LAMA3: variants seen among roughly 807,000 people sequenced by gnomAD.
LAMA3 encodes the protein laminin subunit alpha 3.
A neutral mutation model predicts 402.0 loss-of-function variants in LAMA3; 281 were observed. The observed-to-expected ratio is 0.70, with a 90% CI of 0.63 to 0.77. The LOEUF is 0.77. LAMA3 is among the 30% of genes least tolerant of loss of function. LAMA3 has a pLI of 0.00. For missense variants in LAMA3, 3,840 were observed against 4,215.5 expected (o/e 0.91, Z 2.47); for synonymous variants, 1,431 against 1,558.4 (o/e 0.92, Z 1.93).
At chr18:23,791,001 G>A (rs1277807770) in intron 12 of LAMA3, among the ~76,000 whole-genome samples, 1 of 151,614 alleles carries the variant, frequency 6.6e-6, no homozygotes, top group African/African-American at 2.4e-5. Context: ...CCATTCTCCT[G>A]TCTCAGCCTC....
At chr18:23,752,987 G>A (rs1401298615) in intron 5 of LAMA3, among the ~76,000 whole-genome samples, 2 of 152,236 alleles carry the variant, frequency 1.3e-5, no homozygotes, top group African/African-American at 4.8e-5. Flanking sequence ...GAGAAGGAAG[G>A]TTGCTGGCAG....
chr18:23,738,118 C>T (rs1280176053), intron 2 of LAMA3, among the ~76,000 whole-genome samples: 4 of 151,884 alleles, frequency 2.6e-5, no homozygotes, highest in Non-Finnish European at 4.4e-5. Flanking sequence ...GGACTGGGAC[C>T]TGAACTCTGA....
chr18:23,819,768 A>G lies in LAMA3; in HGVS notation c.2148-73A>G, dbSNP rs2063247266. On this transcript the variant is annotated intron_variant, in intron 18 of 74. Coordinates refer to ENST00000313654, the MANE Select transcript of LAMA3 (RefSeq NM_198129.4). ...GTGGTGGAGTTCTTTCATAGTAACTATTGTGATTAAAAGATGTTCAGATGA... is the reference window on the plus strand; with the variant it reads ...GTGGTGGAGTTCTTTCATAGTAACTGTTGTGATTAAAAGATGTTCAGATGA... 18 of 1,293,786 alleles carry G rather than the reference A, an allele frequency of 1.4e-5. No homozygotes were observed. In the South Asian group the frequency reaches 1.8e-4, roughly 13 times the overall value. The allele number at this position is 1,293,786 out of a possible 1,614,324, so 80.1% of individuals were successfully genotyped here.
chr18:23,763,439 C>G lies in LAMA3; in HGVS notation c.1098C>G (p.Tyr366Ter), dbSNP rs773209748. ...CNCHGHASNC[Y>*]YDPDVERQQA... ...GCCACGGCCATGCCAGCAACTGTTACTATGATCCAGATGTTGAGCGGCAGC... is the reference window on the plus strand; with the variant it reads ...GCCACGGCCATGCCAGCAACTGTTAGTATGATCCAGATGTTGAGCGGCAGC... The change falls in exon 8 of 75, where the codon TAC becomes TAG. Residue 366 changes from tyrosine to a stop codon, truncating the protein, a stop_gained. Coordinates refer to ENST00000313654, the MANE Select transcript of LAMA3 (RefSeq NM_198129.4). LOFTEE classifies it high-confidence loss of function. 6.2e-7 allele frequency: 1 copy of G among 1,613,940 alleles called. No homozygotes were observed. The highest frequency in any genetic ancestry group is 1.7e-5 in the Admixed American group (1 of 60,002).
At position 23,906,781 on chromosome 18, in the gene LAMA3, C is replaced by T. The variant is rs539028222; in HGVS notation, c.6719-769C>T. Among the ~76,000 whole-genome samples the T allele has an allele frequency of 6.0e-4, 92 of 152,288 alleles. 1 individual carries two copies. Among genetic ancestry groups the T allele is most frequent in the Non-Finnish European group, 1.0e-3 (71 of 68,016 alleles). On this transcript the variant is annotated intron_variant, in intron 52 of 74. Coordinates refer to ENST00000313654, the MANE Select transcript of LAMA3 (RefSeq NM_198129.4). ...CTGGTATGACATCTATTTCTCTCTA[C>T]AAAATTTGAGCTTCGAGGTAGGCTC...
rs2064524709 is a variant in LAMA3 at position 23,871,637 on chromosome 18, T to C, written c.4974T>C (p.Pro1658=). ...ALAVEICACP[P]AYAGDSCQGC... is the part of the protein sequence containing the mutation. ...CTGTGGAAATCTGTGCCTGCCCCCC[T>C]GCCTACGCTGGTGACTCTTGTCAGG... is the stretch of plus-strand genomic sequence containing the variant. The change falls in exon 38 of 75, where the codon CCT becomes CCC. Residue 1658 remains proline (P), a synonymous_variant. Transcript: ENST00000313654. 1 of 1,610,474 alleles carries C rather than the reference T, an allele frequency of 6.2e-7. No homozygotes were observed. The highest frequency in any genetic ancestry group is 2.2e-5 in the East Asian group (1 of 44,830).
At chr18:23,774,812 T>TAAAA (rs145809364) in intron 9 of LAMA3, among the ~76,000 whole-genome samples, 13 of 152,038 alleles carry the variant, frequency 8.6e-5, no homozygotes, top group African/African-American at 2.7e-4. Context: ...TCTTAGTTGT[T>TAAAA]AAAAAAAATG....
chr18:23,787,970 A>AATAC (rs909240743), intron 12 of LAMA3, among the ~76,000 whole-genome samples: 15 of 152,106 alleles, frequency 9.9e-5, no homozygotes, highest in African/African-American at 3.1e-4. Context: ...TGTATATACA[A>AATAC]ATACATACAT....
intron 41 of LAMA3, 148 bp downstream of exon 41, chr18:23,885,001 G>T (rs1599000605): frequency 3.4e-6 from 2 of 583,208 alleles, no homozygotes; most frequent in East Asian, 2.8e-5. Flanking sequence ...ATACAAGACT[G>T]CTCACCTAAT....
intron 12 of LAMA3, among the ~76,000 whole-genome samples, chr18:23,800,189 A>G (rs975985383): frequency 3.3e-5 from 5 of 152,256 alleles, no homozygotes. Context: ...AAAGAGTATA[A>G]CAAGACACAA....
chr18:23,807,986 A>G (rs1289288454), intron 12 of LAMA3, among the ~76,000 whole-genome samples: 1 of 152,180 alleles, frequency 6.6e-6, no homozygotes, highest in African/African-American at 2.4e-5. Flanking sequence ...TGGCAGTAGG[A>G]GATCTGAGTG....
chr18:23,767,582 T>TC (rs1462242075), intron 8 of LAMA3, among the ~76,000 whole-genome samples: 62 of 147,036 alleles, frequency 4.2e-4, no homozygotes, highest in Middle Eastern at 3.5e-3. Flanking sequence ...TCTTTTCTTT[T>TC]TTTTTTTTTT....
Position 23,876,347 on chromosome 18 carries a change from T to A in LAMA3, c.5052T>A (p.Cys1684Ter). 2.5e-6 allele frequency: 4 copies of A among 1,614,230 alleles called. No individual in the cohort carries two copies. Among genetic ancestry groups the A allele is most frequent in the Non-Finnish European group, 3.4e-6 (4 of 1,180,016 alleles). Reference sequence around the variant, plus strand: ...ATAAAGGCTTGTATACCGGACGGTGTGTTCCCTGCAATTGCAACGGACATT... The same window carrying A: ...ATAAAGGCTTGTATACCGGACGGTGAGTTCCCTGCAATTGCAACGGACATT... ...RDHKGLYTGR[C>*]VPCNCNGHSN... The change falls in exon 39 of 75, where the codon TGT becomes TGA. Residue 1684 changes from cysteine to a stop codon, truncating the protein, a stop_gained. Coordinates refer to ENST00000313654, the MANE Select transcript of LAMA3 (RefSeq NM_198129.4). LOFTEE classifies it high-confidence loss of function.
intron 62 of LAMA3, among the ~76,000 whole-genome samples, chr18:23,926,021 G>A (rs1036511296): frequency 9.9e-5 from 15 of 152,210 alleles, no homozygotes; most frequent in Admixed American, 8.5e-4. Flanking sequence ...TACATCTATA[G>A]TATGGGCATA....
At chr18:23,951,288 G>A (rs1234378595) in intron 72 of LAMA3, among the ~76,000 whole-genome samples, 1 of 152,230 alleles carries the variant, frequency 6.6e-6, no homozygotes, top group Non-Finnish European at 1.5e-5. Context: ...GCAGCAGGCT[G>A]TAGGCCTCCA....
intron 38 of LAMA3, among the ~76,000 whole-genome samples, chr18:23,873,993 A>G (rs2064620234): frequency 6.6e-6 from 1 of 152,172 alleles, no homozygotes; most frequent in Non-Finnish European, 1.5e-5. Flanking sequence ...GCTTTATAAG[A>G]GGTGAAAAAA....
rs11348422 is a variant in LAMA3 at position 23,791,734 on chromosome 18, TAAAAAAAAAAAAA to T, written c.1603+7587_1603+7599del. 6.7e-5 allele frequency among the ~76,000 whole-genome samples: 6 copies of T among 89,692 alleles called. No individual in the cohort carries two copies. The East Asian group carries it at 1.3e-3, about 20-fold the overall frequency. 58.8% of individuals were successfully genotyped at this position (89,692 alleles called of 152,430 possible). A position where few individuals can be genotyped will look rare whatever the true frequency, so the allele number is the denominator to read the frequency against. The stretch of plus-strand genomic sequence containing the variant: ...GAACATCACAGACTGAGAATTTGTC[TAAAAAAAAAAAAA>T]AAAAAAAAACCACAAAACCCCCCAA... On this transcript the variant is annotated intron_variant, in intron 12 of 74. Transcript: ENST00000313654.
chr18:23,904,236 A>G, intron 50 of LAMA3, 149 bp downstream of exon 50: 1 of 892,088 alleles, frequency 1.1e-6, no homozygotes, highest in Non-Finnish European at 1.8e-6. Flanking sequence ...CCCCAGGCCC[A>G]AGTCAGAAGC....
At position 23,765,511 on chromosome 18, in the gene LAMA3, T is replaced by A. The variant is rs575254617; in HGVS notation, c.1182+1988T>A. Among the ~76,000 whole-genome samples the A allele has an allele frequency of 5.9e-5, 9 of 152,312 alleles. 1 individual carries two copies. In the South Asian group the frequency reaches 1.9e-3, roughly 32 times the overall value. Reference sequence around the variant, plus strand: ...ATTTTTTAGAGGAATGCTAATGGATTTGGAATCCTTACAACACAATATTCA... The same window carrying A: ...ATTTTTTAGAGGAATGCTAATGGATATGGAATCCTTACAACACAATATTCA... On this transcript the variant is annotated intron_variant, in intron 8 of 74. Coordinates refer to ENST00000313654, the MANE Select transcript of LAMA3 (RefSeq NM_198129.4).
Sources: gnomAD v4.1 joint callset for allele counts (sites outside exome capture counted in the v4.1 genomes callset) on GRCh38, gnomAD v4.1.1 for gene constraint, MANE v1.5 for transcripts, NCBI Gene and HGNC (gene_info 2026-07-23, HGNC 2026-07-21) for gene names.